The following WAPL variants were observed in gnomAD, a reference collection of about 807,000 sequenced individuals.
The protein encoded by WAPL is wings apart-like protein homolog.
In WAPL, 5 loss-of-function variants were observed where a neutral mutation model predicts 121.0. The observed-to-expected ratio is 0.04, with a 90% CI of 0.02 to 0.09. The LOEUF (loss-of-function observed/expected upper bound fraction) is 0.09, where lower values mean the gene tolerates loss of function less well. WAPL is among the 10% of genes least tolerant of loss of function. WAPL has a pLI of 1.00. For missense variants in WAPL, 999 were observed against 1,410.8 expected, an observed-to-expected ratio of 0.71 and a Z score of 4.68; for synonymous variants, 480 against 481.5, an observed-to-expected ratio of 1.00 and a Z score of 0.04.
At chr10:86,484,545 T>C (rs1841884651) in intron 4 of WAPL, among the ~76,000 whole-genome samples, 1 of 152,156 alleles carries the variant, frequency 6.6e-6, no homozygotes, top group Non-Finnish European at 1.5e-5. Flanking sequence ...CTAAGGTTAA[T>C]TTATCATTGA....
chr10:86,494,591 G>T (rs543342222), intron 4 of WAPL, among the ~76,000 whole-genome samples: 1 of 152,072 alleles, frequency 6.6e-6, no homozygotes, highest in African/African-American at 2.4e-5. Context: ...TCTGAGTTTG[G>T]CAGTGGTATT....
intron 17 of WAPL, 123 bp downstream of exon 17, chr10:86,443,152 G>T (rs1000259895): frequency 2.0e-5 from 13 of 664,432 alleles, no homozygotes; most frequent in Non-Finnish European, 3.1e-5. Flanking sequence ...AGCCTTTGTG[G>T]AATAAGTTGG....
intron 17 of WAPL, among the ~76,000 whole-genome samples, chr10:86,441,712 G>C (rs1039588266): frequency 3.9e-5 from 6 of 152,102 alleles, no homozygotes; most frequent in Non-Finnish European, 8.8e-5. Flanking sequence ...AGTTTAAAGA[G>C]AGAAATGGGG....
chr10:86,443,470 C>T (rs1473189871), intron 16 of WAPL, 107 bp from the exon 17 acceptor site: 10 of 818,316 alleles, frequency 1.2e-5, no homozygotes, highest in Non-Finnish European at 1.9e-5. Flanking sequence ...TACAAATCAA[C>T]GAATGATGCT....
At chr10:86,487,969 A>G (rs1369973417) in intron 4 of WAPL, among the ~76,000 whole-genome samples, 1 of 152,130 alleles carries the variant, frequency 6.6e-6, no homozygotes, top group African/African-American at 2.4e-5. Flanking sequence ...GGGAAGGGGG[A>G]CCTCTTGGCC....
chr10:86,520,932 G>A (rs962600544), intron 1 of WAPL, among the ~76,000 whole-genome samples: 2 of 152,108 alleles, frequency 1.3e-5, no homozygotes, highest in African/African-American at 4.8e-5. Context: ...CAGCCGGGGC[G>A]CCACGGGCAG....
chr10:86,448,346 G>A (rs976253953), intron 15 of WAPL, among the ~76,000 whole-genome samples: 1 of 152,156 alleles, frequency 6.6e-6, no homozygotes, highest in African/African-American at 2.4e-5. Flanking sequence ...ACCTACTTGG[G>A]AGGCTGAGGT....
intron 2 of WAPL, among the ~76,000 whole-genome samples, chr10:86,509,243 T>C (rs549653757): frequency 4.2e-4 from 64 of 152,278 alleles, no homozygotes; most frequent in African/African-American, 1.5e-3. Context: ...TCAAACCCAA[T>C]GTACCCAAAA....
Position 86,453,701 on chromosome 10 carries a change from T to A in WAPL, c.2788A>T (p.Met930Leu). ...AGCAACACCCCGATGATGGCCCTCA[T>A]GCAGTCCTCCACTGCTTTGCCTACA... ...NHVGKAVEDCMRAIIGVLLNL... is the reference protein window; with the variant it reads ...NHVGKAVEDCLRAIIGVLLNL... Residue 930 changes from methionine to leucine, a missense_variant, in exon 13 of 19, where the codon ATG becomes TTG. By Grantham distance (15) the Met-to-Leu change is conservative (BLOSUM62 2). Coordinates refer to ENST00000298767, the MANE Select transcript of WAPL (RefSeq NM_015045.5). 1 of 1,612,096 alleles carries A rather than the reference T, an allele frequency of 6.2e-7. No homozygotes were observed. The highest frequency in any genetic ancestry group is 8.5e-7 in the Non-Finnish European group (1 of 1,179,606).
chr10:86,520,766 TAAAAAAA>T (rs10574217), intron 1 of WAPL, among the ~76,000 whole-genome samples: 35 of 98,100 alleles, frequency 3.6e-4, no homozygotes, highest in Non-Finnish European at 6.8e-4. Context: ...CGCTGTGATT[TAAAAAAA>T]AAAAAAAAAA....
chr10:86,504,774 T>A (rs1202065101), intron 2 of WAPL, among the ~76,000 whole-genome samples: 1 of 152,096 alleles, frequency 6.6e-6, no homozygotes, highest in African/African-American at 2.4e-5. Context: ...CACACCTGTG[T>A]GAGTAGCCAC....
intron 2 of WAPL, among the ~76,000 whole-genome samples, chr10:86,506,980 C>G (rs1267052948): frequency 6.6e-6 from 1 of 151,504 alleles, no homozygotes; most frequent in African/African-American, 2.4e-5. Context: ...TATATAAGAG[C>G]CCCTTCTTGG....
At chr10:86,466,982 T>G (rs1841413089) in intron 9 of WAPL, 2 of 302,946 alleles carry the variant, frequency 6.6e-6, no homozygotes, top group African/African-American at 4.4e-5. Context: ...ATTATAGGCA[T>G]GAACCACTGT....
rs1051520781 is a variant in WAPL at position 86,436,150 on chromosome 10, A to C, written c.*1393T>G. The C allele has an allele frequency of 6.6e-6, 1 of 152,652 alleles. No individual in the cohort carries two copies. The highest frequency in any genetic ancestry group is 2.4e-5 in the African/African-American group (1 of 41,454). The allele number at this position is 152,652 out of a possible 1,614,324, so 9.5% of individuals were successfully genotyped here. A position where few individuals can be genotyped will look rare whatever the true frequency, so the allele number is the denominator to read the frequency against. ...CAGCCACTGCATTTAAAAACATTAC[A>C]GCTGGCACTGATACAAGAGCCCCGA... On this transcript the variant is annotated 3_prime_UTR_variant, in exon 19 of 19. Transcript: ENST00000298767.
intron 13 of WAPL, 96 bp downstream of exon 13, chr10:86,453,557 TAAA>T (rs1294872932): frequency 7.2e-7 from 1 of 1,390,718 alleles, no homozygotes; most frequent in East Asian, 2.4e-5. Context: ...TTATGACAAA[TAAA>T]AAAATCACTA....
chr10:86,442,569 T>C (rs1348344002), intron 17 of WAPL, among the ~76,000 whole-genome samples: 2 of 152,182 alleles, frequency 1.3e-5, no homozygotes, highest in Non-Finnish European at 2.9e-5. Context: ...GCCATAAAGA[T>C]CAACTTTATT....
chr10:86,440,293 CTT>C (rs980493414), intron 17 of WAPL, among the ~76,000 whole-genome samples: 6 of 144,558 alleles, frequency 4.2e-5, no homozygotes, highest in Admixed American at 1.4e-4. Flanking sequence ...ATTTTCATTG[CTT>C]TTTTTTTTTT....
chr10:86,493,262 A>G (rs765683710), intron 4 of WAPL, among the ~76,000 whole-genome samples: 21 of 152,142 alleles, frequency 1.4e-4, no homozygotes, highest in Non-Finnish European at 2.8e-4. Flanking sequence ...TTATATAACC[A>G]CAGGTATGAG....
intron 9 of WAPL, among the ~76,000 whole-genome samples, chr10:86,464,806 G>A (rs1032411696): frequency 5.9e-5 from 9 of 152,134 alleles, no homozygotes; most frequent in Admixed American, 1.3e-4. Flanking sequence ...ACTGCACTCC[G>A]GCCTGGGTGA....
Sources: gnomAD v4.1 joint callset for allele counts (sites outside exome capture counted in the v4.1 genomes callset) on GRCh38, gnomAD v4.1.1 for gene constraint, MANE v1.5 for transcripts, NCBI Gene and HGNC (gene_info 2026-07-23, HGNC 2026-07-21) for gene names.